Variants in LMBRD2 observed in about 807,000 individuals in gnomAD.
LMBRD2 encodes the protein LMBR1 domain containing 2.
In LMBRD2, 55 loss-of-function variants were observed where a neutral mutation model predicts 94.4. That is an observed-to-expected ratio of 0.58 (90% CI 0.47 to 0.73). The LOEUF is 0.73. LMBRD2 is among the 30% of genes least tolerant of loss of function. LMBRD2 has a pLI of 0.00. For synonymous variants in LMBRD2, 246 were observed against 272.4 expected (o/e 0.90, Z 0.95); for missense variants, 640 against 831.9 (o/e 0.77, Z 2.84).
In LMBRD2 at chr5:36,100,365, ATC is replaced by A. The variant is rs1743322333; in HGVS notation, c.*3679_*3680del. 1.3e-5 allele frequency: 2 copies of A among 152,168 alleles called. No individual in the cohort carries two copies. Among genetic ancestry groups the A allele is most frequent in the Admixed American group, 1.3e-4 (2 of 15,262 alleles). The allele number at this position is 152,168 out of a possible 1,614,324, so 9.4% of individuals were successfully genotyped here. A position where few individuals can be genotyped will look rare whatever the true frequency, so the allele number is the denominator to read the frequency against. Reference sequence around the variant, plus strand: ...AGATGTTGCTTAGTTGTCTAGCAAAATCTGTTTGACTACTTTAGGTACAATAT... The same window carrying A: ...AGATGTTGCTTAGTTGTCTAGCAAAATGTTTGACTACTTTAGGTACAATAT... On this transcript the variant is annotated 3_prime_UTR_variant, in exon 18 of 18. Transcript: ENST00000296603.
At chr5:36,146,921 CGTGTGTGTGTGTGTGTGTGAGTGT>C (rs1303256256) in intron 1 of LMBRD2, among the ~76,000 whole-genome samples, 2 of 75,046 alleles carry the variant, frequency 2.7e-5, no homozygotes, top group South Asian at 5.2e-4. Context: ...TCTCTCTCTG[CGTGTGTGTGTGTGTGTGTGAGTGT>C]GTGTGTGTGT....
At chr5:36,113,335 A>T (rs900221410) in intron 13 of LMBRD2, among the ~76,000 whole-genome samples, 1 of 151,996 alleles carries the variant, frequency 6.6e-6, no homozygotes, top group African/African-American at 2.4e-5. Context: ...GGACCCCCTT[A>T]GAGTTGTAAG....
intron 12 of LMBRD2, 118 bp from the exon 13 acceptor site, chr5:36,114,639 G>A: frequency 8.1e-7 from 1 of 1,239,292 alleles, no homozygotes; most frequent in South Asian, 2.8e-5. Context: ...TTTTTAAAAA[G>A]TAGAAAAAAA....
At chr5:36,111,589 T>C (rs935894159) in intron 13 of LMBRD2, among the ~76,000 whole-genome samples, 14 of 152,106 alleles carry the variant, frequency 9.2e-5, no homozygotes, top group African/African-American at 3.1e-4. Flanking sequence ...GCAATTTTTT[T>C]CCTCTGATCT....
Position 36,108,581 on chromosome 5 carries a change from T to G in LMBRD2, c.1850A>C (p.His617Pro). Residue 617 changes from histidine (H) to proline (P), a missense_variant, in exon 16 of 18, where the codon CAT becomes CCT. Coordinates refer to ENST00000296603, the MANE Select transcript of LMBRD2 (RefSeq NM_001007527.2). Reference protein sequence around the residue: ...REDSTRNRNIHTDPKESNFSD... With the variant: ...REDSTRNRNIPTDPKESNFSD... Reference sequence around the variant, plus strand: ...GAAGTTTGACTCTTTGGGGTCAGTATGAATATTTCTGTTCCTAGTGGAATC... The same window carrying G: ...GAAGTTTGACTCTTTGGGGTCAGTAGGAATATTTCTGTTCCTAGTGGAATC... 1 of 1,597,310 alleles carries G rather than the reference T, an allele frequency of 6.3e-7. No individual in the cohort carries two copies. The highest frequency in any genetic ancestry group is 1.1e-5 in the South Asian group (1 of 88,794).
intron 8 of LMBRD2, 49 bp from the exon 9 acceptor site, chr5:36,122,512 G>C (rs1743910767): frequency 6.9e-7 from 1 of 1,459,064 alleles, no homozygotes; most frequent in South Asian, 1.2e-5. Flanking sequence ...ATCCAACAGT[G>C]GTTCAACTCT....
intron 1 of LMBRD2, among the ~76,000 whole-genome samples, chr5:36,148,375 C>A (rs765245455): frequency 1.3e-5 from 2 of 152,014 alleles, no homozygotes; most frequent in Non-Finnish European, 2.9e-5. Context: ...TCCTGCTTTA[C>A]CTTTTGCAAG....
chr5:36,140,786 CAAAG>C (rs780946340), intron 4 of LMBRD2, among the ~76,000 whole-genome samples: 4 of 151,988 alleles, frequency 2.6e-5, no homozygotes, highest in African/African-American at 9.7e-5. Context: ...CTAAAAAAAA[CAAAG>C]AAGGAAAGTC....
intron 13 of LMBRD2, among the ~76,000 whole-genome samples, chr5:36,112,924 T>G (rs370254682): frequency 1.3e-3 from 202 of 152,318 alleles, no homozygotes; most frequent in African/African-American, 4.6e-3. Context: ...TAGTCTCTTC[T>G]TTTAATACAT....
At chr5:36,105,282 T>A in intron 16 of LMBRD2, 85 bp from the exon 17 acceptor site, 1 of 1,240,726 alleles carries the variant, frequency 8.1e-7, no homozygotes, top group Non-Finnish European at 1.1e-6. Flanking sequence ...GAAAGAAAAA[T>A]CAAAATTCCA....
chr5:36,108,005 G>T (rs1351555522), intron 16 of LMBRD2, among the ~76,000 whole-genome samples: 1 of 152,252 alleles, frequency 6.6e-6, no homozygotes. Context: ...CATCATGTCA[G>T]TGTGGGGTCA....
At chr5:36,104,995 A>C in intron 17 of LMBRD2, 73 bp downstream of exon 17, 1 of 1,408,594 alleles carries the variant, frequency 7.1e-7, no homozygotes, top group Admixed American at 2.1e-5. Context: ...ACTTATTTTC[A>C]ATCTTGTCAA....
intron 17 of LMBRD2, among the ~76,000 whole-genome samples, chr5:36,104,553 G>C (rs924371974): frequency 3.3e-5 from 5 of 151,964 alleles, no homozygotes; most frequent in African/African-American, 1.2e-4. Flanking sequence ...CAGAATACTG[G>C]ACTTTGAATG....
At chr5:36,146,447 C>T (rs1744540267) in intron 1 of LMBRD2, among the ~76,000 whole-genome samples, 1 of 152,178 alleles carries the variant, frequency 6.6e-6, no homozygotes, top group Non-Finnish European at 1.5e-5. Flanking sequence ...CATGGCTCAA[C>T]ATAACCTTGA....
At chr5:36,114,883 A>T in intron 12 of LMBRD2, 132 bp downstream of exon 12, 1 of 676,144 alleles carries the variant, frequency 1.5e-6, no homozygotes, top group Non-Finnish European at 2.5e-6. Context: ...AGTAATACGT[A>T]TACAATCTTT....
chr5:36,121,410 T>C (rs1186466902), intron 9 of LMBRD2, among the ~76,000 whole-genome samples: 1 of 152,194 alleles, frequency 6.6e-6, no homozygotes, highest in African/African-American at 2.4e-5. Flanking sequence ...TTTTTTAAAA[T>C]AAATAAGGTA....
At chr5:36,131,247 C>T (rs2432207) in intron 6 of LMBRD2, among the ~76,000 whole-genome samples, 6,630 of 152,066 alleles carry the variant, frequency 0.044, 504 homozygotes, top group African/African-American at 0.15. Flanking sequence ...TATGAGCATT[C>T]CTATTGATGC....
At chr5:36,147,802 GA>G in intron 1 of LMBRD2, 1 of 345,828 alleles carries the variant, frequency 2.9e-6, no homozygotes, top group Non-Finnish European at 5.7e-6. Flanking sequence ...TTGAGAGAGA[GA>G]GAGAGAGAAT....
Sources: allele counts gnomAD v4.1 joint callset (sites outside exome capture counted in the v4.1 genomes callset), GRCh38; gene constraint gnomAD v4.1.1; transcripts MANE v1.5; gene names NCBI Gene and HGNC (gene_info 2026-07-23, HGNC 2026-07-21).